The following CDYL variants were observed in gnomAD, a reference collection of about 807,000 sequenced individuals.
The protein encoded by CDYL is chromodomain Y-like protein.
In CDYL, 8 loss-of-function variants were observed where a neutral mutation model predicts 47.3. That is an observed-to-expected ratio of 0.17 (90% CI 0.10 to 0.31). The LOEUF is 0.31. Ranked by LOEUF, CDYL falls within the 10% of genes least tolerant of loss-of-function variation. The pLI, the probability that CDYL is intolerant of heterozygous loss-of-function variation, is 1.00. For synonymous variants in CDYL, 266 were observed against 265.0 expected, an observed-to-expected ratio of 1.00 and a Z score of -0.04; for missense variants, 471 against 701.4, an observed-to-expected ratio of 0.67 and a Z score of 3.71.
chr6:4,826,559 A>G (rs775497848), intron 1 of CDYL, among the ~76,000 whole-genome samples: 6 of 152,018 alleles, frequency 3.9e-5, no homozygotes, highest in Non-Finnish European at 5.9e-5. Flanking sequence ...TTTTGTTTTC[A>G]TGCATCCCTA....
At chr6:4,951,382 G>C (rs1038675714) in intron 5 of CDYL, among the ~76,000 whole-genome samples, 1 of 151,938 alleles carries the variant, frequency 6.6e-6, no homozygotes, top group Non-Finnish European at 1.5e-5. Context: ...CGGCATCTGT[G>C]AGCCTGTCAT....
At chr6:4,767,687 TATC>T in intron 3 of CDYL, among the ~76,000 whole-genome samples, 1 of 152,204 alleles carries the variant, frequency 6.6e-6, no homozygotes, top group South Asian at 2.1e-4. Context: ...CTTCAGCAAA[TATC>T]ATCCCTAATG....
chr6:4,853,284 A>C (rs148999778), intron 1 of CDYL, among the ~76,000 whole-genome samples: 1 of 152,344 alleles, frequency 6.6e-6, no homozygotes, highest in Non-Finnish European at 1.5e-5. Flanking sequence ...TTCTCATAAC[A>C]ACCGCGAGGG....
intron 1 of CDYL, among the ~76,000 whole-genome samples, chr6:4,839,564 A>T (rs1299582519): frequency 1.3e-5 from 2 of 152,116 alleles, no homozygotes; most frequent in Non-Finnish European, 2.9e-5. Flanking sequence ...CTTAGATTTA[A>T]GTGTTTGATC....
intron 1 of CDYL, among the ~76,000 whole-genome samples, chr6:4,861,567 TAAGACATAGTCC>T (rs2127468778): frequency 1.3e-5 from 2 of 152,380 alleles, no homozygotes; most frequent in South Asian, 4.1e-4. Flanking sequence ...ACCTGAATCC[TAAGACATAGTCC>T]ACGTCTAATA....
chr6:4,805,653 G>T (rs1462628137), intron 1 of CDYL, among the ~76,000 whole-genome samples: 10 of 152,172 alleles, frequency 6.6e-5, no homozygotes, highest in Non-Finnish European at 1.2e-4. Flanking sequence ...CCCAGTGGGA[G>T]ACTGAAGGCC....
intron 2 of CDYL, among the ~76,000 whole-genome samples, chr6:4,726,481 A>C (rs1280694751): frequency 6.6e-6 from 1 of 151,304 alleles, no homozygotes; most frequent in Non-Finnish European, 1.5e-5. Flanking sequence ...GCAGTAAGCC[A>C]AGATCGCACC....
At chr6:4,855,444 C>T (rs1446573155) in intron 1 of CDYL, among the ~76,000 whole-genome samples, 1 of 152,150 alleles carries the variant, frequency 6.6e-6, no homozygotes, top group Admixed American at 6.5e-5. Flanking sequence ...GTGCATGCCA[C>T]CACCCAGCTA....
intron 1 of CDYL, among the ~76,000 whole-genome samples, chr6:4,784,266 TG>T (rs1561635868): frequency 6.6e-6 from 1 of 152,346 alleles, no homozygotes; most frequent in African/African-American, 2.4e-5. Context: ...TATTTTGGGT[TG>T]GGGGCAGTTA....
chr6:4,823,141 A>G (rs1426494758), intron 1 of CDYL, among the ~76,000 whole-genome samples: 4 of 152,216 alleles, frequency 2.6e-5, no homozygotes, highest in African/African-American at 9.6e-5. Flanking sequence ...AGGAGTAGAT[A>G]AGTTTATTTT....
chr6:4,714,411 T>C (rs1757216303), intron 1 of CDYL: 1 of 152,114 alleles, frequency 6.6e-6, no homozygotes, highest in Non-Finnish European at 1.5e-5. Flanking sequence ...TGATTCTAGA[T>C]GATTGCTCAC....
At chr6:4,730,731 G>C (rs1757590798) in intron 2 of CDYL, among the ~76,000 whole-genome samples, 1 of 150,092 alleles carries the variant, frequency 6.7e-6, no homozygotes, top group African/African-American at 2.5e-5. Flanking sequence ...CCCCTTGCAG[G>C]GTCCTCCCTA....
At chr6:4,779,209 T>C (rs758506710) in intron 1 of CDYL, among the ~76,000 whole-genome samples, 14 of 152,222 alleles carry the variant, frequency 9.2e-5, no homozygotes, top group Non-Finnish European at 1.3e-4. Context: ...GGAAAGACAC[T>C]AAGATGATGT....
intron 1 of CDYL, among the ~76,000 whole-genome samples, chr6:4,867,430 A>G (rs1291883679): frequency 6.6e-6 from 1 of 152,106 alleles, no homozygotes; most frequent in Non-Finnish European, 1.5e-5. Flanking sequence ...TCAGTCTTTC[A>G]CATTAAGTAC....
chr6:4,828,131 G>A (rs898201852), intron 1 of CDYL, among the ~76,000 whole-genome samples: 3 of 151,784 alleles, frequency 2.0e-5, no homozygotes, highest in African/African-American at 7.3e-5. Flanking sequence ...TTCAGGGAAA[G>A]TCTAGTGGTG....
intron 1 of CDYL, among the ~76,000 whole-genome samples, chr6:4,799,477 TCTCA>T (rs1281410597): frequency 3.9e-5 from 6 of 152,070 alleles, no homozygotes; most frequent in East Asian, 1.9e-4. Flanking sequence ...TTAGGCAAGG[TCTCA>T]CTCACCCAGG....
chr6:4,810,805 C>G (rs963687132), intron 1 of CDYL, among the ~76,000 whole-genome samples: 1 of 152,096 alleles, frequency 6.6e-6, no homozygotes, highest in Non-Finnish European at 1.5e-5. Flanking sequence ...GGCACCAATC[C>G]CATTCATGAG....
At chr6:4,935,002 G>C (rs989814981) in intron 2 of CDYL, among the ~76,000 whole-genome samples, 6 of 152,216 alleles carry the variant, frequency 3.9e-5, no homozygotes, top group African/African-American at 9.7e-5. Context: ...TGTCCCACAG[G>C]GGTGGTGGTC....
chr6:4,789,132 G>A (rs1758846833), intron 1 of CDYL, among the ~76,000 whole-genome samples: 1 of 152,170 alleles, frequency 6.6e-6, no homozygotes, highest in South Asian at 2.1e-4. Context: ...CTGGAGTGCA[G>A]GGGCATGATC....
Sources: allele counts gnomAD v4.1 joint callset (sites outside exome capture counted in the v4.1 genomes callset), GRCh38; gene constraint gnomAD v4.1.1; transcripts MANE v1.5; gene names NCBI Gene and HGNC (gene_info 2026-07-23, HGNC 2026-07-21).